Variants in SKIC3 observed in about 807,000 individuals in gnomAD.
SKIC3 encodes the protein SKI3 subunit of superkiller complex.
chr5:95,522,461 TATG>T, the SKIC3 span, among the ~76,000 whole-genome samples: 1 of 152,176 alleles, frequency 6.6e-6, no homozygotes, highest in Non-Finnish European at 1.5e-5. Context: ...TTGTTCCTTT[TATG>T]ATTTTTTTAA....
chr5:95,530,613 G>C, the SKIC3 span, among the ~76,000 whole-genome samples: 11 of 152,110 alleles, frequency 7.2e-5, no homozygotes, highest in Non-Finnish European at 1.5e-5. Flanking sequence ...TGCGCTGCTA[G>C]AGACATGTTA....
chr5:95,472,446 C>T, the SKIC3 span, among the ~76,000 whole-genome samples: 27 of 152,286 alleles, frequency 1.8e-4, no homozygotes, highest in East Asian at 4.6e-3. Context: ...TGTTTATATG[C>T]TTCTAGACAC....
chr5:95,507,477 G>A, the SKIC3 span, among the ~76,000 whole-genome samples: 1 of 152,164 alleles, frequency 6.6e-6, no homozygotes, highest in African/African-American at 2.4e-5. Context: ...GTCACTAGAA[G>A]TCCCTCAAGG....
chr5:95,498,227 G>A, the SKIC3 span: 4 of 763,612 alleles, frequency 5.2e-6, no homozygotes, highest in East Asian at 2.7e-5. Context: ...CAGTTACCTG[G>A]TCCTGTGTAA....
the SKIC3 span, chr5:95,529,240 T>C: frequency 1.3e-6 from 1 of 768,952 alleles, no homozygotes; most frequent in Non-Finnish European, 2.3e-6. Flanking sequence ...ACACTGATTC[T>C]CTGCCTCAAT....
At chr5:95,493,603 A>G in the SKIC3 span, among the ~76,000 whole-genome samples, 1 of 152,212 alleles carries the variant, frequency 6.6e-6, no homozygotes, top group Non-Finnish European at 1.5e-5. Context: ...CAGAATATTG[A>G]CTTTTTTTAC....
chr5:95,538,482 CATGAACAA>C, the SKIC3 span, among the ~76,000 whole-genome samples: 10 of 152,178 alleles, frequency 6.6e-5, no homozygotes, highest in South Asian at 6.2e-4. Context: ...CAAATGAACA[CATGAACAA>C]ATGAACAAAT....
At chr5:95,491,393 G>A in the SKIC3 span, among the ~76,000 whole-genome samples, 1 of 152,152 alleles carries the variant, frequency 6.6e-6, no homozygotes, top group East Asian at 1.9e-4. Context: ...TGACTTAGTA[G>A]TTGCTGTTTT....
chr5:95,523,399 C>T, the SKIC3 span: 248 of 1,465,766 alleles, frequency 1.7e-4, no homozygotes, highest in Non-Finnish European at 2.2e-4. Flanking sequence ...GTAAAGTACA[C>T]AAACATATTT....
the SKIC3 span, among the ~76,000 whole-genome samples, chr5:95,542,380 A>C: frequency 6.6e-6 from 1 of 152,200 alleles, no homozygotes; most frequent in African/African-American, 2.4e-5. Context: ...ACCATAATCA[A>C]GCTAACTAAC....
At chr5:95,478,198 C>T in the SKIC3 span, 1 of 1,447,382 alleles carries the variant, frequency 6.9e-7, no homozygotes, top group South Asian at 1.3e-5. Flanking sequence ...AACAACAGGA[C>T]TTCAATTGAA....
the SKIC3 span, among the ~76,000 whole-genome samples, chr5:95,498,080 A>G: frequency 6.6e-6 from 1 of 152,228 alleles, no homozygotes; most frequent in Non-Finnish European, 1.5e-5. Context: ...ACCAGACAAC[A>G]GACTAAGAAT....
At chr5:95,487,699 G>A in the SKIC3 span, among the ~76,000 whole-genome samples, 1 of 152,102 alleles carries the variant, frequency 6.6e-6, no homozygotes, top group Admixed American at 6.5e-5. Context: ...GCTCCCCTAC[G>A]AAAGAAAATT....
chr5:95,531,993 A>C, the SKIC3 span, among the ~76,000 whole-genome samples: 2 of 152,068 alleles, frequency 1.3e-5, no homozygotes, highest in Admixed American at 1.3e-4. Context: ...ACTACAAAAA[A>C]TTAAAAATCT....
At chr5:95,504,830 G>A in the SKIC3 span, among the ~76,000 whole-genome samples, 22 of 151,946 alleles carry the variant, frequency 1.4e-4, no homozygotes, top group East Asian at 1.9e-4. Context: ...ATGAAACCCC[G>A]TCTCTAATAA....
chr5:95,492,636 C>CAAA, the SKIC3 span, among the ~76,000 whole-genome samples: 19 of 14,116 alleles, frequency 1.3e-3, 1 homozygote, highest in Non-Finnish European at 2.5e-3. Flanking sequence ...GACTCCGTCT[C>CAAA]AAAAAAAAAA....
At chr5:95,520,663 G>T in the SKIC3 span, 1 of 1,370,748 alleles carries the variant, frequency 7.3e-7, no homozygotes, top group Non-Finnish European at 1.0e-6. Context: ...TCTAAATTTG[G>T]CTTCATTTTA....
the SKIC3 span, chr5:95,514,973 T>A: frequency 6.4e-7 from 1 of 1,560,138 alleles, no homozygotes; most frequent in African/African-American, 1.4e-5. Flanking sequence ...TATAAACTTA[T>A]TAAACCGCTT....
At chr5:95,528,400 T>A in the SKIC3 span, among the ~76,000 whole-genome samples, 2 of 152,172 alleles carry the variant, frequency 1.3e-5, no homozygotes, top group Non-Finnish European at 2.9e-5. Flanking sequence ...TAAAACTGAA[T>A]ATCCTAAAAA....
Sources: allele counts gnomAD v4.1 joint callset (sites outside exome capture counted in the v4.1 genomes callset), GRCh38; gene constraint gnomAD v4.1.1; transcripts MANE v1.5; gene names NCBI Gene and HGNC (gene_info 2026-07-23, HGNC 2026-07-21).